SP100: variants seen among roughly 807,000 people sequenced by gnomAD.
SP100 encodes the protein SP100 nuclear body protein.
In SP100, 84 loss-of-function variants were observed where a neutral mutation model predicts 130.0. That is an observed-to-expected ratio of 0.65 (90% CI 0.54 to 0.77). The LOEUF (loss-of-function observed/expected upper bound fraction) is 0.77. SP100 is among the 30% of genes least tolerant of loss of function. The probability of loss-of-function intolerance (pLI) is 0.00; values close to 1 mark genes in which losing one functional copy is unlikely to be tolerated. For missense variants in SP100, 978 were observed against 1,052.2 expected, an observed-to-expected ratio of 0.93 and a Z score of 0.97; for synonymous variants, 331 against 351.7, an observed-to-expected ratio of 0.94 and a Z score of 0.66.
At chr2:230,446,980 G>A in intron 5 of SP100, 78 bp downstream of exon 5, 2 of 819,320 alleles carry the variant, frequency 2.4e-6, no homozygotes, top group Non-Finnish European at 4.0e-6. Flanking sequence ...GTGAATCAGG[G>A]AAGACATATG....
chr2:230,461,397 A>G lies in SP100; in HGVS notation c.956A>G (p.Gln319Arg). ...CQAQARTHHN[Q>R]ASDIIVISSE... is the part of the protein sequence containing the mutation. ...GCCCAAGCAAGAACTCATCATAACC[A>G]GGCATCTGACATAATAGGTAAGGCT... The change falls in exon 9 of 29, where the codon CAG becomes CGG. Residue 319 changes from glutamine to arginine, a missense_variant. Coordinates refer to ENST00000340126, the MANE Select transcript of SP100 (RefSeq NM_001080391.2). 2.5e-6 allele frequency: 4 copies of G among 1,614,086 alleles called. No homozygotes were observed. Among genetic ancestry groups the G allele is most frequent in the Non-Finnish European group, 3.4e-6 (4 of 1,179,936 alleles).
chr2:230,489,143 T>C (rs1300125200), intron 17 of SP100, among the ~76,000 whole-genome samples: 1 of 152,210 alleles, frequency 6.6e-6, no homozygotes, highest in Admixed American at 6.5e-5. Context: ...TGTGAATCAG[T>C]CTGGTCCTGG....
intron 1 of SP100, 107 bp from the exon 2 acceptor site, chr2:230,417,484 G>C: frequency 7.1e-7 from 1 of 1,413,722 alleles, no homozygotes; most frequent in African/African-American, 1.4e-5. Flanking sequence ...TTCTTTTTGG[G>C]TTTTTACATC....
intron 17 of SP100, among the ~76,000 whole-genome samples, chr2:230,475,003 G>A (rs778097462): frequency 3.3e-5 from 5 of 151,734 alleles, no homozygotes; most frequent in African/African-American, 7.3e-5. Flanking sequence ...ATATGAGTGC[G>A]TGTATCTTTT....
intron 24 of SP100, among the ~76,000 whole-genome samples, chr2:230,529,041 A>G (rs1468153449): frequency 1.3e-5 from 2 of 152,244 alleles, no homozygotes; most frequent in Non-Finnish European, 2.9e-5. Flanking sequence ...TATTTCAATC[A>G]GTAGAAAAAG....
chr2:230,451,265 A>C (rs2063969931), intron 8 of SP100, among the ~76,000 whole-genome samples: 1 of 152,206 alleles, frequency 6.6e-6, no homozygotes. Context: ...AACAGTGTAC[A>C]AAGGTTCCCT....
At chr2:230,424,956 G>A (rs1456243466) in intron 2 of SP100, among the ~76,000 whole-genome samples, 1 of 152,018 alleles carries the variant, frequency 6.6e-6, no homozygotes, top group African/African-American at 2.4e-5. Flanking sequence ...TGATATAATT[G>A]CTTGAATTTA....
chr2:230,449,308 C>G, intron 6 of SP100, 158 bp downstream of exon 6: 1 of 838,168 alleles, frequency 1.2e-6, no homozygotes, highest in Non-Finnish European at 2.0e-6. Context: ...AGTCCTTATC[C>G]TCTAGGTTGC....
intron 18 of SP100, among the ~76,000 whole-genome samples, chr2:230,496,939 G>T (rs1182681078): frequency 6.6e-6 from 1 of 152,174 alleles, no homozygotes; most frequent in Non-Finnish European, 1.5e-5. Context: ...AAATGTCTCT[G>T]CCTTCCTCAA....
intron 17 of SP100, among the ~76,000 whole-genome samples, chr2:230,491,055 T>G (rs1276184087): frequency 6.6e-6 from 1 of 152,228 alleles, no homozygotes; most frequent in Admixed American, 6.5e-5. Flanking sequence ...CTGGATAATA[T>G]CCAGAAGTAT....
chr2:230,423,782 G>A (rs2062840591), intron 2 of SP100, among the ~76,000 whole-genome samples: 1 of 152,188 alleles, frequency 6.6e-6, no homozygotes. Flanking sequence ...GTGTTTGGGA[G>A]TAGCTTTTAA....
chr2:230,420,469 T>C (rs1559478285), intron 2 of SP100, among the ~76,000 whole-genome samples: 1 of 152,222 alleles, frequency 6.6e-6, no homozygotes, highest in Non-Finnish European at 1.5e-5. Flanking sequence ...ATTTTAGTTT[T>C]ATTCCTGATT....
In SP100 at chr2:230,449,634, T is replaced by A. The variant is rs373505507; in HGVS notation, c.660T>A (p.Asp220Glu). 56 of 1,613,946 alleles carry A rather than the reference T, an allele frequency of 3.5e-5. No individual in the cohort carries two copies. The highest frequency in any genetic ancestry group is 4.0e-5 in the Non-Finnish European group (47 of 1,179,996). Residue 220 changes from aspartate to glutamate, a missense_variant, in exon 7 of 29, where the codon GAT (aspartate) becomes GAA (glutamate). Transcript: ENST00000340126. ...AACAGATAAATGCAAAGAGAAAAGATACAACCAGTGACAAAGATGATTCGC... is the reference window on the plus strand; with the variant it reads ...AACAGATAAATGCAAAGAGAAAAGAAACAACCAGTGACAAAGATGATTCGC... ...ETEQINAKRK[D>E]TTSDKDDSLG...
Position 230,506,400 on chromosome 2 carries a change from G to A in SP100, c.1968G>A (p.Lys656=). ...ACCGCGGAGCATCCAAGAACTGGAA[G>A]CTAAGTATACGCTGCGGTGGATATA... The part of the protein sequence containing the change: ...EGDRGASKNW[K]LSIRCGGYTL... Residue 656 remains lysine (K), a synonymous_variant, in exon 22 of 29, where the codon AAG becomes AAA. Coordinates refer to ENST00000340126, the MANE Select transcript of SP100 (RefSeq NM_001080391.2). The A allele has an allele frequency of 6.2e-7, 1 of 1,613,960 alleles. No individual in the cohort carries two copies. Among genetic ancestry groups the A allele is most frequent in the Non-Finnish European group, 8.5e-7 (1 of 1,179,856 alleles).
At chr2:230,475,951 A>G (rs2065522862) in intron 17 of SP100, among the ~76,000 whole-genome samples, 2 of 152,178 alleles carry the variant, frequency 1.3e-5, no homozygotes, top group Middle Eastern at 3.2e-3. Flanking sequence ...CTTATAGTAT[A>G]GTTAGAAGTT....
chr2:230,464,017 T>C, intron 10 of SP100, 50 bp from the exon 11 acceptor site: 1 of 1,264,272 alleles, frequency 7.9e-7, no homozygotes, highest in Non-Finnish European at 1.2e-6. Flanking sequence ...ACTGAACTGA[T>C]TCCTTGGTCA....
At chr2:230,542,061 T>C in intron 28 of SP100, 26 bp downstream of exon 28, 1 of 1,611,634 alleles carries the variant, frequency 6.2e-7, no homozygotes, top group South Asian at 1.1e-5. Context: ...TGCTTCCTTT[T>C]CTCTTTCAAT....
chr2:230,424,770 G>C (rs1046056351), intron 2 of SP100, among the ~76,000 whole-genome samples: 3 of 152,012 alleles, frequency 2.0e-5, no homozygotes, highest in African/African-American at 7.3e-5. Context: ...AACTAAATAT[G>C]GTTAATTTGG....
chr2:230,508,641 G>A (rs547156902), intron 23 of SP100: 1 of 152,198 alleles, frequency 6.6e-6, no homozygotes, highest in African/African-American at 2.4e-5. Context: ...AAATATAAAA[G>A]ATAGAGCTGG....
Sources: allele counts gnomAD v4.1 joint callset (sites outside exome capture counted in the v4.1 genomes callset), GRCh38; gene constraint gnomAD v4.1.1; transcripts MANE v1.5; gene names NCBI Gene and HGNC (gene_info 2026-07-23, HGNC 2026-07-21).